The following WDR48 variants were observed in gnomAD, a reference collection of about 807,000 sequenced individuals.
The protein encoded by WDR48 is WD repeat domain 48.
Under a neutral mutation model 94.0 loss-of-function variants are expected in WDR48, and 22 were observed. That is an observed-to-expected ratio of 0.23 (90% CI 0.17 to 0.33). The LOEUF is 0.33. Among genes scored for constraint, WDR48 ranks in the 10% least tolerant of loss-of-function variants. WDR48 has a pLI of 1.00. For synonymous variants in WDR48, 278 were observed against 280.5 expected (o/e 0.99, Z 0.09); for missense variants, 541 against 813.8 (o/e 0.66, Z 4.08).
intron 1 of WDR48, among the ~76,000 whole-genome samples, chr3:39,054,380 AT>A (rs1641824919): frequency 6.6e-6 from 1 of 152,130 alleles, no homozygotes; most frequent in Admixed American, 6.5e-5. Flanking sequence ...TACCAACTAG[AT>A]GTAGTAGCAT....
At chr3:39,085,394 G>A (rs1215936678) in intron 13 of WDR48, 121 bp from the exon 14 acceptor site, 6 of 789,292 alleles carry the variant, frequency 7.6e-6, no homozygotes, top group East Asian at 2.6e-5. Flanking sequence ...GACATCATTC[G>A]CATTGGGTTA....
At chr3:39,053,679 G>A (rs1167241780) in intron 1 of WDR48, among the ~76,000 whole-genome samples, 1 of 152,096 alleles carries the variant, frequency 6.6e-6, no homozygotes, top group Non-Finnish European at 1.5e-5. Context: ...TTACTGCAGT[G>A]TGTTCCCTGC....
rs1010167333 is a variant in WDR48, at chr3:39,086,882, G to A, written c.1475-1246G>A. ...GACTGCATGGGAAAGGTAGGGCAGG[G>A]CATGGCTACTTCCTCATCCAGAGCT... On this transcript the variant is annotated intron_variant, in intron 14 of 18. Coordinates refer to ENST00000302313, the MANE Select transcript of WDR48 (RefSeq NM_020839.4). 4.6e-5 allele frequency among the ~76,000 whole-genome samples: 7 copies of A among 152,298 alleles called. No individual in the cohort carries two copies. In the South Asian group the frequency reaches 1.2e-3, roughly 27 times the overall value.
chr3:39,052,831 T>TA (rs2032552435), intron 1 of WDR48, among the ~76,000 whole-genome samples: 1 of 152,120 alleles, frequency 6.6e-6, no homozygotes, highest in Admixed American at 6.5e-5. Flanking sequence ...GCTTAAGAGT[T>TA]ACTGCCACTT....
chr3:39,085,722 A>C (rs2034776984), intron 14 of WDR48, 112 bp downstream of exon 14: 3 of 854,490 alleles, frequency 3.5e-6, no homozygotes, highest in Non-Finnish European at 5.5e-6. Context: ...TGGTGTACTC[A>C]GTTTATTGTC....
intron 8 of WDR48, among the ~76,000 whole-genome samples, chr3:39,075,883 A>T (rs2034199076): frequency 6.6e-6 from 1 of 151,682 alleles, no homozygotes; most frequent in African/African-American, 2.4e-5. Context: ...TTTTTAGTAG[A>T]GATGGGGTTT....
chr3:39,091,628 A>C lies in WDR48; in HGVS notation c.1672A>C (p.Asn558His). 1.2e-6 allele frequency: 2 copies of C among 1,604,614 alleles called. No homozygotes were observed. The highest frequency in any genetic ancestry group is 1.7e-6 in the Non-Finnish European group (2 of 1,177,156). ...TTTTTAACTTTTACTGTTTCAGAAA[A>C]ATATGCCCAAATTCAACAAAATTCC... ...QWVIDITVDK[N>H]MPKFNKIPFY... is the part of the protein sequence containing the mutation. The change falls in exon 17 of 19, where the codon AAT becomes CAT. Residue 558 changes from asparagine to histidine, a missense_variant. Physicochemically the swap from Asn to His is moderately conservative, Grantham distance 68. Coordinates refer to ENST00000302313, the MANE Select transcript of WDR48 (RefSeq NM_020839.4).
intron 7 of WDR48, among the ~76,000 whole-genome samples, chr3:39,074,443 A>G (rs1033826922): frequency 6.6e-6 from 1 of 152,240 alleles, no homozygotes; most frequent in Admixed American, 6.5e-5. Flanking sequence ...CTTATTTAGG[A>G]AAAAGAGATG....
At chr3:39,068,595 A>T (rs2125650834) in intron 5 of WDR48, among the ~76,000 whole-genome samples, 176 bp from the exon 6 acceptor site, 1 of 152,360 alleles carries the variant, frequency 6.6e-6, no homozygotes. Flanking sequence ...TCCAGAAAAT[A>T]TGTAAATTTT....
chr3:39,075,774 A>C (rs1000997127), intron 8 of WDR48, among the ~76,000 whole-genome samples: 1 of 151,950 alleles, frequency 6.6e-6, no homozygotes, highest in Non-Finnish European at 1.5e-5. Flanking sequence ...GCTCACTGCA[A>C]GTTCCACCTC....
intron 7 of WDR48, among the ~76,000 whole-genome samples, chr3:39,070,197 C>T (rs1319571316): frequency 6.6e-6 from 1 of 152,130 alleles, no homozygotes; most frequent in African/African-American, 2.4e-5. Context: ...CAAAGAAAAA[C>T]ATTTTGGTAA....
intron 8 of WDR48, among the ~76,000 whole-genome samples, chr3:39,076,636 CAT>C (rs1341446863): frequency 1.3e-5 from 2 of 152,148 alleles, no homozygotes; most frequent in African/African-American, 4.8e-5. Context: ...TGCACATAAA[CAT>C]ATTCTTATAT....
chr3:39,053,386 T>C (rs1364861731), intron 1 of WDR48, among the ~76,000 whole-genome samples: 1 of 152,214 alleles, frequency 6.6e-6, no homozygotes, highest in African/African-American at 2.4e-5. Context: ...TTTATTGATC[T>C]CACTGATCAG....
At chr3:39,091,914 A>G (rs1425672992) in intron 17 of WDR48, among the ~76,000 whole-genome samples, 1 of 152,244 alleles carries the variant, frequency 6.6e-6, no homozygotes, top group Non-Finnish European at 1.5e-5. Context: ...GCTCACGCCC[A>G]TAATCCCAAC....
intron 7 of WDR48, 94 bp from the exon 8 acceptor site, chr3:39,074,632 G>T: frequency 8.1e-7 from 1 of 1,237,824 alleles, no homozygotes; most frequent in Non-Finnish European, 1.2e-6. Flanking sequence ...AGAGTCGTGT[G>T]TTTGACAGTG....
intron 7 of WDR48, among the ~76,000 whole-genome samples, chr3:39,071,675 TAGTCTC>T (rs1490043343): frequency 6.6e-6 from 1 of 152,252 alleles, no homozygotes; most frequent in Non-Finnish European, 1.5e-5. Flanking sequence ...AACTGCCTGT[TAGTCTC>T]AGAGTGCAAA....
intron 11 of WDR48, among the ~76,000 whole-genome samples, chr3:39,083,874 C>T (rs1193634939): frequency 6.6e-6 from 1 of 152,160 alleles, no homozygotes; most frequent in African/African-American, 2.4e-5. Flanking sequence ...AACTGGGACC[C>T]TCGAAAGAGC....
chr3:39,060,418 GCA>G (rs2033180041), intron 1 of WDR48, among the ~76,000 whole-genome samples: 9 of 124,682 alleles, frequency 7.2e-5, no homozygotes, highest in African/African-American at 1.5e-4. Context: ...GTGTGTGTGT[GCA>G]TATATATATA....
In WDR48 at chr3:39,079,694, T is replaced by G. The variant is rs1260651927; in HGVS notation, c.1076-17T>G. 10 of 1,458,140 alleles carry G rather than the reference T, an allele frequency of 6.9e-6. No individual in the cohort carries two copies. The highest frequency in any genetic ancestry group is 2.5e-5 in the Admixed American group (1 of 39,558). The allele number at this position is 1,458,140 out of a possible 1,614,324, so 90.3% of individuals were successfully genotyped here. On this transcript the variant is annotated splice_polypyrimidine_tract_variant and intron_variant, in intron 10 of 18. Coordinates refer to ENST00000302313, the MANE Select transcript of WDR48 (RefSeq NM_020839.4). ...TAGAAAGATTGTTTTACCAATTGTG[T>G]TTTTTTTTCCCATTAGGGGGTGCTA... is the stretch of plus-strand genomic sequence containing the variant.
Sources: gnomAD v4.1 joint callset for allele counts (sites outside exome capture counted in the v4.1 genomes callset) on GRCh38, gnomAD v4.1.1 for gene constraint, MANE v1.5 for transcripts, NCBI Gene and HGNC (gene_info 2026-07-23, HGNC 2026-07-21) for gene names.